Variants in SH3BGRL2 observed in about 807,000 individuals in gnomAD.
The protein encoded by SH3BGRL2 is SH3 domain binding glutamate rich protein like 2, also known as SH3 domain-binding glutamic acid-rich-like protein 2.
SH3BGRL2 carries 21 observed loss-of-function variants against 14.8 expected under a neutral mutation model. That is an observed-to-expected ratio of 1.42 (90% CI 1.01 to 2.05). The LOEUF is 2.05. Ranked by LOEUF, SH3BGRL2 falls within the 30% of genes most tolerant of loss-of-function variation. The pLI, the probability that SH3BGRL2 is intolerant of heterozygous loss-of-function variation, is 0.00. For missense variants in SH3BGRL2, 147 were observed against 130.8 expected (o/e 1.12, Z -0.61); for synonymous variants, 50 against 47.8 (o/e 1.05, Z -0.19).
the SH3BGRL2 span, among the ~76,000 whole-genome samples, chr6:79,624,051 C>T: frequency 1.3e-5 from 2 of 151,992 alleles, no homozygotes. Flanking sequence ...TCAACAATAA[C>T]CTAAATGCAA....
rs141326786 is a variant in SH3BGRL2 at position 79,696,056 on chromosome 6, C to A, written c.232-429C>A. On this transcript the variant is annotated intron_variant, in intron 2 of 3. Transcript: ENST00000369838. ...ACACACTTTCATTGACACATGGAGA[C>A]CTTTACAGCTTTGTTTACCCAGTGA... 5.7e-4 allele frequency among the ~76,000 whole-genome samples: 87 copies of A among 152,196 alleles called. No individual in the cohort carries two copies. In the East Asian group the frequency reaches 0.015, roughly 27 times the overall value.
At chr6:79,673,563 A>C in intron 1 of SH3BGRL2, 51 bp from the exon 2 acceptor site, 7 of 1,561,496 alleles carry the variant, frequency 4.5e-6, no homozygotes, top group Non-Finnish European at 6.1e-6. Context: ...AAGTATATAC[A>C]TACTGTTTCA....
chr6:79,683,344 C>T (rs527694007), intron 2 of SH3BGRL2, among the ~76,000 whole-genome samples: 8 of 152,284 alleles, frequency 5.3e-5, no homozygotes, highest in African/African-American at 1.9e-4. Context: ...ATCAAGCCAC[C>T]TGGTAAATAT....
intron 1 of SH3BGRL2, among the ~76,000 whole-genome samples, chr6:79,638,551 T>A (rs147910784): frequency 1.2e-3 from 178 of 152,324 alleles, no homozygotes; most frequent in African/African-American, 4.1e-3. Context: ...GCTGTACTCA[T>A]ATACTGCTTC....
the SH3BGRL2 span, among the ~76,000 whole-genome samples, chr6:79,593,119 G>T: frequency 3.9e-5 from 6 of 152,244 alleles, no homozygotes; most frequent in East Asian, 9.7e-4. Context: ...TGGTAAATCT[G>T]TATTATCATG....
the SH3BGRL2 span, among the ~76,000 whole-genome samples, chr6:79,568,812 A>G: frequency 6.6e-6 from 1 of 152,148 alleles, no homozygotes; most frequent in Non-Finnish European, 1.5e-5. Context: ...GGTAGGTGGG[A>G]GCAGGCTTAT....
chr6:79,600,261 T>C, the SH3BGRL2 span, among the ~76,000 whole-genome samples: 1 of 152,214 alleles, frequency 6.6e-6, no homozygotes, highest in Non-Finnish European at 1.5e-5. Flanking sequence ...CTGCCTTTCT[T>C]TACCTACAAC....
chr6:79,660,295 T>C (rs890648613), intron 1 of SH3BGRL2, among the ~76,000 whole-genome samples: 1 of 152,220 alleles, frequency 6.6e-6, no homozygotes, highest in African/African-American at 2.4e-5. Context: ...ATAGCTCTTA[T>C]TACTTTGAGA....
chr6:79,657,315 G>A (rs9361543), intron 1 of SH3BGRL2, among the ~76,000 whole-genome samples: 14,959 of 152,154 alleles, frequency 0.098, 1,060 homozygotes, highest in East Asian at 0.32. Flanking sequence ...GATAGGAAAG[G>A]GACTGTAGCA....
the SH3BGRL2 span, among the ~76,000 whole-genome samples, chr6:79,622,650 TAC>T: frequency 1.3e-5 from 2 of 152,222 alleles, no homozygotes; most frequent in Admixed American, 6.5e-5. Flanking sequence ...CAGCATGTAG[TAC>T]AGTGTCTAGT....
the SH3BGRL2 span, among the ~76,000 whole-genome samples, chr6:79,582,239 C>T: frequency 2.0e-5 from 3 of 152,036 alleles, no homozygotes; most frequent in African/African-American, 4.8e-5. Context: ...CAATGCCATC[C>T]CCATCAAGCT....
chr6:79,618,502 T>C, the SH3BGRL2 span, among the ~76,000 whole-genome samples: 1 of 152,154 alleles, frequency 6.6e-6, no homozygotes, highest in East Asian at 1.9e-4. Flanking sequence ...GGTCAGGAGT[T>C]TGAGACCAGC....
At chr6:79,606,691 C>G in the SH3BGRL2 span, among the ~76,000 whole-genome samples, 1 of 152,116 alleles carries the variant, frequency 6.6e-6, no homozygotes, top group Non-Finnish European at 1.5e-5. Context: ...GGATAATTTC[C>G]TTTTTCTGGT....
At chr6:79,583,753 A>G in the SH3BGRL2 span, among the ~76,000 whole-genome samples, 5 of 152,232 alleles carry the variant, frequency 3.3e-5, no homozygotes, top group South Asian at 1.0e-3. Flanking sequence ...CACGTTGTGC[A>G]CCTGTACCCT....
At chr6:79,566,565 TTGTC>T in the SH3BGRL2 span, among the ~76,000 whole-genome samples, 2 of 152,188 alleles carry the variant, frequency 1.3e-5, no homozygotes, top group Non-Finnish European at 2.9e-5. Flanking sequence ...ATTTTATCGT[TTGTC>T]AGTTGTTTCC....
chr6:79,620,156 CT>C, the SH3BGRL2 span, among the ~76,000 whole-genome samples: 4 of 151,902 alleles, frequency 2.6e-5, no homozygotes, highest in South Asian at 2.1e-4. Context: ...CTGGTTCTCC[CT>C]TTTTTTTCCC....
At chr6:79,656,078 T>C (rs998338973) in intron 1 of SH3BGRL2, among the ~76,000 whole-genome samples, 12 of 152,240 alleles carry the variant, frequency 7.9e-5, no homozygotes, top group African/African-American at 2.9e-4. Context: ...TGAAATCATC[T>C]AATTTAGGTT....
the SH3BGRL2 span, among the ~76,000 whole-genome samples, chr6:79,590,939 A>T: frequency 1.6e-4 from 24 of 152,344 alleles, no homozygotes. Context: ...TATATTTTTT[A>T]AAATTTTTGT....
At chr6:79,573,688 G>A in the SH3BGRL2 span, among the ~76,000 whole-genome samples, 1 of 152,070 alleles carries the variant, frequency 6.6e-6, no homozygotes, top group Admixed American at 6.5e-5. Flanking sequence ...CTTAAAGTCT[G>A]CACAACTATT....
Sources: allele counts gnomAD v4.1 joint callset (sites outside exome capture counted in the v4.1 genomes callset), GRCh38; gene constraint gnomAD v4.1.1; transcripts MANE v1.5; gene names NCBI Gene and HGNC (gene_info 2026-07-23, HGNC 2026-07-21).